Variants in CDC42BPA observed in about 807,000 individuals in gnomAD.
CDC42BPA encodes the protein serine/threonine-protein kinase MRCK alpha.
CDC42BPA carries 80 observed loss-of-function variants against 223.5 expected under a neutral mutation model. The observed-to-expected ratio is 0.36, with a 90% CI of 0.30 to 0.43. The LOEUF (loss-of-function observed/expected upper bound fraction) is 0.43, where lower values mean the gene tolerates loss of function less well. Ranked by LOEUF, CDC42BPA falls within the 20% of genes least tolerant of loss-of-function variation. The pLI is 1.00. For synonymous variants in CDC42BPA, 694 were observed against 718.6 expected, an observed-to-expected ratio of 0.97 and a Z score of 0.55; for missense variants, 1,743 against 2,099.9, an observed-to-expected ratio of 0.83 and a Z score of 3.32.
chr1:227,001,241 A>G (rs1043729180), intron 35 of CDC42BPA, among the ~76,000 whole-genome samples: 1 of 152,180 alleles, frequency 6.6e-6, no homozygotes, highest in African/African-American at 2.4e-5. Context: ...ATTTTATATG[A>G]GCTGGGCTAG....
At chr1:227,171,735 C>T (rs1666141977) in intron 5 of CDC42BPA, among the ~76,000 whole-genome samples, 1 of 152,088 alleles carries the variant, frequency 6.6e-6, no homozygotes. Flanking sequence ...AATATTACCC[C>T]CATAAGACCA....
chr1:227,254,057 C>A lies in CDC42BPA; in HGVS notation c.270+7G>T. The stretch of plus-strand genomic sequence containing the variant: ...AGCAGACCTTCTATCAAATCTTAAT[C>A]TCTTACCTCCCCAAAAGCTCCTCGA... On this transcript the variant is annotated splice_region_variant and intron_variant, in intron 2 of 36. Coordinates refer to ENST00000366766, the MANE Select transcript of CDC42BPA (RefSeq NM_001394014.1). The A allele has an allele frequency of 6.7e-7, 1 of 1,503,538 alleles. No individual in the cohort carries two copies. Among genetic ancestry groups the A allele is most frequent in the Non-Finnish European group, 9.2e-7 (1 of 1,085,718 alleles). 93.1% of individuals were successfully genotyped at this position (1,503,538 alleles called of 1,614,324 possible).
intron 10 of CDC42BPA, among the ~76,000 whole-genome samples, chr1:227,136,584 T>C (rs921998431): frequency 3.3e-5 from 5 of 152,210 alleles, no homozygotes; most frequent in African/African-American, 1.2e-4. Flanking sequence ...AAGCGACACG[T>C]ACGTGAATCA....
intron 5 of CDC42BPA, among the ~76,000 whole-genome samples, chr1:227,172,974 G>A (rs1482159053): frequency 2.0e-5 from 3 of 152,086 alleles, no homozygotes; most frequent in South Asian, 4.1e-4. Flanking sequence ...TCAGTTAAAG[G>A]CTCCTCAGGA....
At chr1:227,160,679 A>T in intron 5 of CDC42BPA, 43 bp from the exon 6 acceptor site, 1 of 1,077,884 alleles carries the variant, frequency 9.3e-7, no homozygotes, top group Non-Finnish European at 1.4e-6. Context: ...AAAAATAAAC[A>T]ATTCATTGTT....
chr1:227,132,687 A>AGC (rs1405229770), intron 10 of CDC42BPA, among the ~76,000 whole-genome samples: 2 of 147,286 alleles, frequency 1.4e-5, no homozygotes, highest in Non-Finnish European at 3.0e-5. Flanking sequence ...GGAAGTGAGG[A>AGC]GCGCCTCTTC....
intron 32 of CDC42BPA, among the ~76,000 whole-genome samples, chr1:227,021,654 AT>A (rs199515151): frequency 9.6e-4 from 144 of 150,270 alleles, no homozygotes; most frequent in African/African-American, 2.8e-3. Context: ...CTTCTGATGG[AT>A]TTTTTTTTTG....
At chr1:227,258,174 G>C (rs1258501909) in intron 1 of CDC42BPA, among the ~76,000 whole-genome samples, 1 of 93,750 alleles carries the variant, frequency 1.1e-5, no homozygotes, top group Non-Finnish European at 2.2e-5. Flanking sequence ...AACCCTGTCC[G>C]GGAAAAAAAA....
chr1:227,168,078 A>C (rs1445798667), intron 5 of CDC42BPA, among the ~76,000 whole-genome samples: 1 of 152,004 alleles, frequency 6.6e-6, no homozygotes. Flanking sequence ...GGTGCCCGCC[A>C]CTAAGCCTGG....
chr1:227,013,954 A>C (rs1665716778), intron 34 of CDC42BPA, among the ~76,000 whole-genome samples: 1 of 152,118 alleles, frequency 6.6e-6, no homozygotes, highest in African/African-American at 2.4e-5. Flanking sequence ...ATAAGTCATA[A>C]ATATATTCAC....
Position 227,030,407 on chromosome 1 carries a change from C to T in CDC42BPA, c.3838+1G>A. On this transcript the variant is annotated splice_donor_variant, in intron 29 of 36. Transcript: ENST00000366766. LOFTEE classifies it high-confidence loss of function. ...TCCAAAAAAAAAAAGTTTTCTCTTA[C>T]CATCTTTGGTGACATGTACAACAAA... 1.3e-6 allele frequency: 2 copies of T among 1,581,040 alleles called. No homozygotes were observed. The highest frequency in any genetic ancestry group is 1.7e-6 in the Non-Finnish European group (2 of 1,162,274).
At chr1:227,015,953 T>C in intron 34 of CDC42BPA, 127 bp downstream of exon 34, 1 of 651,666 alleles carries the variant, frequency 1.5e-6, no homozygotes, top group Non-Finnish European at 2.7e-6. Context: ...CATATTGTGG[T>C]ATACTGAGAG....
intron 16 of CDC42BPA, among the ~76,000 whole-genome samples, chr1:227,081,859 A>C (rs1312458062): frequency 6.6e-6 from 1 of 152,202 alleles, no homozygotes; most frequent in African/African-American, 2.4e-5. Flanking sequence ...CTAAAGAATA[A>C]GGATCTCTCT....
At chr1:227,160,690 TGGTAAG>T in intron 5 of CDC42BPA, 54 bp from the exon 6 acceptor site, 3 of 974,032 alleles carry the variant, frequency 3.1e-6, no homozygotes, top group Non-Finnish European at 4.7e-6. Context: ...ATTCATTGTT[TGGTAAG>T]ATATTCTTTT....
intron 16 of CDC42BPA, among the ~76,000 whole-genome samples, chr1:227,084,381 A>AG (rs1228048761): frequency 6.6e-6 from 1 of 152,066 alleles, no homozygotes; most frequent in African/African-American, 2.4e-5. Flanking sequence ...TAAAAAAATT[A>AG]GATGGGTGTG....
intron 1 of CDC42BPA, among the ~76,000 whole-genome samples, chr1:227,261,116 G>C (rs1293216143): frequency 1.6e-5 from 1 of 62,112 alleles, no homozygotes; most frequent in African/African-American, 5.8e-5. Flanking sequence ...CAGAATAATT[G>C]AGTTTTTCTT....
At chr1:227,200,445 CA>C (rs71180714) in intron 3 of CDC42BPA, among the ~76,000 whole-genome samples, 1 of 109,148 alleles carries the variant, frequency 9.2e-6, no homozygotes, top group Admixed American at 1.1e-4. Context: ...AACAAACAAA[CA>C]AAAAAAAAAC....
intron 1 of CDC42BPA, among the ~76,000 whole-genome samples, chr1:227,270,327 A>T (rs1258442708): frequency 3.9e-5 from 6 of 152,228 alleles, no homozygotes; most frequent in Non-Finnish European, 8.8e-5. Context: ...AAGAATCAGA[A>T]GTAATTTCTG....
intron 5 of CDC42BPA, among the ~76,000 whole-genome samples, chr1:227,172,933 C>G (rs79587840): frequency 0.021 from 3,163 of 152,236 alleles, 124 homozygotes; most frequent in African/African-American, 0.072. Context: ...TAGCCAATAG[C>G]ATCTGATCTC....
Sources: gnomAD v4.1 joint callset for allele counts (sites outside exome capture counted in the v4.1 genomes callset) on GRCh38, gnomAD v4.1.1 for gene constraint, MANE v1.5 for transcripts, NCBI Gene and HGNC (gene_info 2026-07-23, HGNC 2026-07-21) for gene names.